MLLT10: variants seen among roughly 807,000 people sequenced by gnomAD.
MLLT10 encodes protein AF-10.
Under a neutral mutation model 129.1 loss-of-function variants are expected in MLLT10, and 30 were observed. The ratio of observed to expected loss-of-function variants is 0.23; its 90% CI spans 0.17 to 0.32. The LOEUF is 0.32. Ranked by LOEUF, MLLT10 falls within the 10% of genes least tolerant of loss-of-function variation. MLLT10 has a pLI of 1.00. For synonymous variants in MLLT10, 490 were observed against 446.4 expected (o/e 1.10, Z -1.23); for missense variants, 1,119 against 1,268.3 (o/e 0.88, Z 1.79).
At chr10:21,624,126 A>G (rs2046182365) in intron 8 of MLLT10, among the ~76,000 whole-genome samples, 1 of 152,224 alleles carries the variant, frequency 6.6e-6, no homozygotes, top group Non-Finnish European at 1.5e-5. Context: ...ACATACGATC[A>G]TAGGTTATTT....
chr10:21,662,120 G>T (rs909688931), intron 9 of MLLT10, among the ~76,000 whole-genome samples: 8 of 151,686 alleles, frequency 5.3e-5, no homozygotes. Flanking sequence ...TGCCTGTGTG[G>T]GTAAGGTGTT....
chr10:21,543,033 A>G (rs961593971), intron 3 of MLLT10, among the ~76,000 whole-genome samples: 2 of 151,690 alleles, frequency 1.3e-5, no homozygotes, highest in Middle Eastern at 3.4e-3. Flanking sequence ...ATCTCGGCTC[A>G]CTGCAGCATC....
intron 4 of MLLT10, among the ~76,000 whole-genome samples, chr10:21,594,574 A>C (rs1416111599): frequency 6.8e-6 from 1 of 146,824 alleles, no homozygotes; most frequent in African/African-American, 2.5e-5. Context: ...AAAAAAAAAA[A>C]AAGGACCCTT....
Position 21,542,982 on chromosome 10 carries a change from G to A in MLLT10, c.240+4070G>A, listed in dbSNP as rs1428293000. ...TTTTTTTTTGTTTTTTTTTTGAGAC[G>A]AAATTTTGCTGTGTTGCCCAGGCTG... On this transcript the variant is annotated intron_variant, in intron 3 of 22. Transcript: ENST00000307729. Among the ~76,000 whole-genome samples the A allele has an allele frequency of 2.7e-5, 4 of 150,752 alleles. 1 individual carries two copies. Among genetic ancestry groups the A allele is most frequent in the Non-Finnish European group, 4.4e-5 (3 of 67,796 alleles).
chr10:21,565,142 C>T (rs1203801242), intron 3 of MLLT10, among the ~76,000 whole-genome samples: 1 of 151,998 alleles, frequency 6.6e-6, no homozygotes, highest in Non-Finnish European at 1.5e-5. Context: ...GTCTCTAGTA[C>T]TTTTTCTTTG....
intron 3 of MLLT10, chr10:21,557,857 G>A (rs2038240692): frequency 6.6e-6 from 1 of 151,538 alleles, no homozygotes; most frequent in Non-Finnish European, 1.5e-5. Context: ...AGGGGGGTGG[G>A]TGCTGTTTGC....
rs1366482245 is a variant in MLLT10 at position 21,552,272 on chromosome 10, T to C, written c.240+13360T>C. On this transcript the variant is annotated intron_variant, in intron 3 of 22. Coordinates refer to ENST00000307729, the MANE Select transcript of MLLT10 (RefSeq NM_001195626.3). ...AATATACAGCAGTGTTATTACTTTT[T>C]GGTGTTAATTTTTATTTTTTTCCTC... Among the ~76,000 whole-genome samples, 5 of 152,090 alleles carry C rather than the reference T, an allele frequency of 3.3e-5. No individual in the cohort carries two copies. In the South Asian group the frequency reaches 8.3e-4, roughly 25 times the overall value.
In MLLT10 at chr10:21,742,904, G is replaced by A. The variant is rs879339742; in HGVS notation, c.*921G>A. 1.8e-4 allele frequency: 42 copies of A among 228,782 alleles called. No individual in the cohort carries two copies. Among genetic ancestry groups the A allele is most frequent in the Middle Eastern group, 2.6e-3 (2 of 764 alleles). The allele number at this position is 228,782 out of a possible 1,614,324, so 14.2% of individuals were successfully genotyped here. A position where few individuals can be genotyped will look rare whatever the true frequency, so the allele number is the denominator to read the frequency against. On this transcript the variant is annotated 3_prime_UTR_variant, in exon 23 of 23. Coordinates refer to ENST00000307729, the MANE Select transcript of MLLT10 (RefSeq NM_001195626.3). ...TCCGCCTTTATTCAGAACTTTCTGT[G>A]CCACTGTAGATAGCTCAGGCAAAAC...
intron 9 of MLLT10, 63 bp from the exon 10 acceptor site, chr10:21,670,386 T>C (rs2051271284): frequency 6.8e-7 from 1 of 1,478,902 alleles, no homozygotes; most frequent in Non-Finnish European, 9.1e-7. Context: ...GTGGCACCCA[T>C]TGTTTTCTGT....
At chr10:21,592,681 C>A (rs1351875985) in intron 4 of MLLT10, among the ~76,000 whole-genome samples, 1 of 152,150 alleles carries the variant, frequency 6.6e-6, no homozygotes, top group Non-Finnish European at 1.5e-5. Context: ...TGGTCTTGAT[C>A]TCCTGACCGC....
chr10:21,598,811 A>G (rs1385736000), intron 5 of MLLT10, among the ~76,000 whole-genome samples: 1 of 151,364 alleles, frequency 6.6e-6, no homozygotes, highest in Admixed American at 6.6e-5. Flanking sequence ...TGAGTCCTGG[A>G]GGCAGAGAGG....
At chr10:21,656,991 T>G (rs1340758219) in intron 9 of MLLT10, among the ~76,000 whole-genome samples, 1 of 152,154 alleles carries the variant, frequency 6.6e-6, no homozygotes, top group Non-Finnish European at 1.5e-5. Context: ...CAGCTTATGT[T>G]TTTAGGAAAG....
chr10:21,737,398 TTTGAATGTGACAG>T (rs1250965871), intron 21 of MLLT10, among the ~76,000 whole-genome samples: 1 of 152,006 alleles, frequency 6.6e-6, no homozygotes, highest in African/African-American at 2.4e-5. Flanking sequence ...TTCGACTCAT[TTTGAATGTGACAG>T]CGTGTGTGTA....
In MLLT10 at chr10:21,617,201, G is replaced by A; in HGVS notation, c.693G>A (p.Glu231=). ...SHSQDKHHEK[E]KKKYKEKDKH... Reference sequence around the variant, plus strand: ...CTCAGGATAAACATCATGAGAAAGAGAAAAAAGTAAGTGGATTTGTTGTTG... The same window carrying A: ...CTCAGGATAAACATCATGAGAAAGAAAAAAAAGTAAGTGGATTTGTTGTTG... The change falls in exon 8 of 23, where the codon GAG becomes GAA. Residue 231 remains glutamate, a synonymous_variant. Coordinates refer to ENST00000307729, the MANE Select transcript of MLLT10 (RefSeq NM_001195626.3). 1 of 1,506,172 alleles carries A rather than the reference G, an allele frequency of 6.6e-7. No individual in the cohort carries two copies. The highest frequency in any genetic ancestry group is 8.9e-7 in the Non-Finnish European group (1 of 1,120,846). 93.3% of individuals were successfully genotyped at this position (1,506,172 alleles called of 1,614,324 possible).
At chr10:21,582,795 G>A (rs904182688) in intron 3 of MLLT10, among the ~76,000 whole-genome samples, 2 of 152,222 alleles carry the variant, frequency 1.3e-5, no homozygotes, top group Non-Finnish European at 2.9e-5. Context: ...TCTTGCGTGA[G>A]CAATGTGTCA....
At chr10:21,585,382 A>G (rs575679808) in intron 3 of MLLT10, among the ~76,000 whole-genome samples, 1 of 152,188 alleles carries the variant, frequency 6.6e-6, no homozygotes, top group East Asian at 1.9e-4. Flanking sequence ...CTCTACTTTT[A>G]TTTTTGGTTT....
At chr10:21,582,040 G>A (rs1254901566) in intron 3 of MLLT10, among the ~76,000 whole-genome samples, 1 of 151,784 alleles carries the variant, frequency 6.6e-6, no homozygotes, top group Non-Finnish European at 1.5e-5. Context: ...CTGTATATGT[G>A]GTTGTTGTTA....
At chr10:21,694,429 A>T (rs1428230256) in intron 13 of MLLT10, among the ~76,000 whole-genome samples, 1 of 152,196 alleles carries the variant, frequency 6.6e-6, no homozygotes, top group Admixed American at 6.5e-5. Flanking sequence ...GGCTTTCCCA[A>T]TGTAAAGGTT....
chr10:21,719,001 C>A (rs953492814), intron 14 of MLLT10, among the ~76,000 whole-genome samples: 1 of 152,214 alleles, frequency 6.6e-6, no homozygotes. Context: ...GGATTGCAGG[C>A]GTGAGCCACC....
Sources: allele counts gnomAD v4.1 joint callset (sites outside exome capture counted in the v4.1 genomes callset), GRCh38; gene constraint gnomAD v4.1.1; transcripts MANE v1.5; gene names NCBI Gene and HGNC (gene_info 2026-07-23, HGNC 2026-07-21).